PTPN20: variants seen among roughly 807,000 people sequenced by gnomAD.
The protein encoded by PTPN20 is tyrosine-protein phosphatase non-receptor type 20.
In PTPN20, 9 loss-of-function variants were observed where a neutral mutation model predicts 35.0. The observed-to-expected ratio is 0.26, with a 90% CI of 0.15 to 0.45. PTPN20 has a LOEUF of 0.45. PTPN20 is among the 20% of genes least tolerant of loss of function. The pLI is 1.00. For missense variants in PTPN20, 111 were observed against 312.5 expected (o/e 0.36, Z 4.86); for synonymous variants, 32 against 100.2 (o/e 0.32, Z 4.06).
At chr10:46,994,780 G>A (rs1274390980) in intron 9 of PTPN20, among the ~76,000 whole-genome samples, 1 of 152,088 alleles carries the variant, frequency 6.6e-6, no homozygotes, top group African/African-American at 2.4e-5. Flanking sequence ...TGAGGTAATT[G>A]TCTATATTTG....
At chr10:46,926,191 A>G (rs1205351656) in intron 1 of PTPN20, 31 of 983,192 alleles carry the variant, frequency 3.2e-5, no homozygotes, top group Non-Finnish European at 3.6e-5. Context: ...CCCTGGTTTG[A>G]TGATCTTTTA....
Position 46,999,945 on chromosome 10 carries a change from G to A in PTPN20, c.1168G>A (p.Glu390Lys). Reference protein sequence around the residue: ...NIMDIVAQMREQRSGMVQTKE... With the variant: ...NIMDIVAQMRKQRSGMVQTKE... ...CATGGATATAGTGGCCCAAATGAGA[G>A]AACAACGTTCTGGCATGGTTCAAAC... The change falls in exon 10 of 11, where the codon GAA (glutamate) becomes AAA (lysine). Residue 390 changes from glutamate (E) to lysine (K), a missense_variant. Physicochemically the swap from Glu to Lys is moderately conservative, Grantham distance 56 (BLOSUM62 1). Coordinates refer to ENST00000374339, the MANE Select transcript of PTPN20 (RefSeq NM_001042357.5). 1.2e-6 allele frequency: 2 copies of A among 1,613,742 alleles called. No individual in the cohort carries two copies. Among genetic ancestry groups the A allele is most frequent in the East Asian group, 4.5e-5 (2 of 44,862 alleles).
At chr10:46,936,467 TC>T (rs2041695889) in intron 2 of PTPN20, among the ~76,000 whole-genome samples, 1 of 151,954 alleles carries the variant, frequency 6.6e-6, no homozygotes, top group African/African-American at 2.4e-5. Context: ...GTTTCATGTC[TC>T]ATTATTTAAG....
chr10:46,977,862 T>A (rs1162474195), intron 7 of PTPN20, among the ~76,000 whole-genome samples: 1 of 2,596 alleles, frequency 3.9e-4, no homozygotes, highest in East Asian at 8.1e-3. Context: ...CCCCACCCTT[T>A]TAGGGTGTCT....
chr10:46,951,296 A>C (rs1469525064), intron 5 of PTPN20, among the ~76,000 whole-genome samples: 1 of 152,052 alleles, frequency 6.6e-6, no homozygotes, highest in African/African-American at 2.4e-5. Flanking sequence ...CCCAGCTAGG[A>C]TCAAGTATCT....
intron 10 of PTPN20, among the ~76,000 whole-genome samples, chr10:47,000,276 T>C (rs1006927724): frequency 6.6e-6 from 1 of 152,208 alleles, no homozygotes; most frequent in Non-Finnish European, 1.5e-5. Context: ...AAGTAACATC[T>C]AAAGTTATTT....
chr10:47,000,183 CAGAT>C (rs1266892249), intron 10 of PTPN20, among the ~76,000 whole-genome samples: 32 of 152,282 alleles, frequency 2.1e-4, no homozygotes, highest in African/African-American at 7.5e-4. Flanking sequence ...TGGGGTCACT[CAGAT>C]AGAAGGGGAG....
chr10:46,947,230 ATATATT>A (rs2045160055), intron 5 of PTPN20, among the ~76,000 whole-genome samples: 1 of 140,698 alleles, frequency 7.1e-6, no homozygotes, highest in African/African-American at 2.6e-5. Flanking sequence ...ATATATATAT[ATATATT>A]TATAAAATTT....
In PTPN20 at chr10:46,976,719, C is replaced by G. The variant is rs1231522657; in HGVS notation, c.584-7511C>G. 3.3e-3 allele frequency among the ~76,000 whole-genome samples: 463 copies of G among 141,998 alleles called. 3 individuals are homozygous for G. The highest frequency in any genetic ancestry group is 5.5e-3 in the Non-Finnish European group (352 of 63,852). 93.2% of individuals were successfully genotyped at this position (141,998 alleles called of 152,430 possible). ...TTAGTTGTAATTTCTACTCTTCAGT[C>G]TACTCTTGTCTTTTTTTTTTTTTTT... On this transcript the variant is annotated intron_variant, in intron 7 of 10. Transcript: ENST00000374339.
chr10:46,947,212 GTA>G (rs1163672605), intron 5 of PTPN20, among the ~76,000 whole-genome samples: 2,048 of 129,676 alleles, frequency 0.016, 111 homozygotes, highest in South Asian at 0.051. Flanking sequence ...ATGTGTATGT[GTA>G]TATATATATA....
chr10:46,960,627 A>C (rs1242235583), intron 5 of PTPN20, among the ~76,000 whole-genome samples: 1 of 151,858 alleles, frequency 6.6e-6, no homozygotes, highest in Non-Finnish European at 1.5e-5. Flanking sequence ...CAGTTTTAAC[A>C]TATGTTATAT....
At chr10:46,977,241 C>G (rs1299818930) in intron 7 of PTPN20, among the ~76,000 whole-genome samples, 2 of 152,300 alleles carry the variant, frequency 1.3e-5, no homozygotes, top group African/African-American at 4.8e-5. Flanking sequence ...CAACTTTTCC[C>G]TGGGGTCTAA....
Position 46,920,593 on chromosome 10 carries a change from T to C in PTPN20, c.-124+9092T>C, listed in dbSNP as rs1396067212. Among the ~76,000 whole-genome samples, 336 of 140,652 alleles carry C rather than the reference T, an allele frequency of 2.4e-3. 10 individuals are homozygous for C. The highest frequency in any genetic ancestry group is 9.3e-3 in the African/African-American group (326 of 34,984). The allele number at this position is 140,652 out of a possible 152,430, so 92.3% of individuals were successfully genotyped here. On this transcript the variant is annotated intron_variant, in intron 1 of 10. Transcript: ENST00000374339. The stretch of plus-strand genomic sequence containing the variant: ...ATGAAGCTCCCCAGAGTTTCTATGT[T>C]TTGTGTTAGGCTACCAGGGCAGGTA...
chr10:47,003,480 A>C (rs927095257), downstream of PTPN20, among the ~76,000 whole-genome samples: 6 of 151,958 alleles, frequency 3.9e-5, no homozygotes, highest in African/African-American at 1.2e-4. Flanking sequence ...TCAACTCAAA[A>C]ATAGTATTAG....
chr10:46,923,068 T>G (rs2035916642), intron 1 of PTPN20, among the ~76,000 whole-genome samples: 1 of 143,482 alleles, frequency 7.0e-6, no homozygotes, highest in Admixed American at 6.8e-5. Context: ...TGAAATGGGG[T>G]GAATGTATTT....
intron 1 of PTPN20, among the ~76,000 whole-genome samples, chr10:46,920,184 GCTT>G (rs1467524983): frequency 4.8e-5 from 2 of 41,752 alleles, no homozygotes; most frequent in Non-Finnish European, 4.4e-5. Context: ...TTTCAAATTG[GCTT>G]CTTTTCTTTA....
At chr10:46,915,699 C>T (rs1294451596) in intron 1 of PTPN20, among the ~76,000 whole-genome samples, 1 of 4,652 alleles carries the variant, frequency 2.1e-4, no homozygotes, top group Non-Finnish European at 3.1e-4. Context: ...ATTAGCTGGG[C>T]GTGGTGGCAT....
At chr10:46,984,014 A>C (rs1158192428) in intron 7 of PTPN20, among the ~76,000 whole-genome samples, 10 of 151,902 alleles carry the variant, frequency 6.6e-5, no homozygotes, top group African/African-American at 2.4e-4. Flanking sequence ...AAAAATAAAC[A>C]TCCCATAATT....
intron 5 of PTPN20, among the ~76,000 whole-genome samples, chr10:46,951,006 A>T (rs2046462443): frequency 6.9e-6 from 1 of 145,532 alleles, no homozygotes; most frequent in African/African-American, 2.8e-5. Flanking sequence ...CTTTTTCTGC[A>T]GTATATATAT....
Sources: allele counts gnomAD v4.1 joint callset (sites outside exome capture counted in the v4.1 genomes callset), GRCh38; gene constraint gnomAD v4.1.1; transcripts MANE v1.5; gene names NCBI Gene and HGNC (gene_info 2026-07-23, HGNC 2026-07-21).